Variants in PRR16 observed in about 807,000 individuals in gnomAD.
The protein encoded by PRR16 is proline rich 16.
In PRR16, 6 loss-of-function variants were observed where a neutral mutation model predicts 18.2. The observed-to-expected ratio is 0.33, with a 90% confidence interval of 0.18 to 0.65. The LOEUF is 0.65. PRR16 is among the 30% of genes least tolerant of loss of function. The pLI is 0.74. For synonymous variants in PRR16, 151 were observed against 147.8 expected (o/e 1.02, Z -0.16); for missense variants, 412 against 376.6 (o/e 1.09, Z -0.78).
intron 1 of PRR16, among the ~76,000 whole-genome samples, chr5:120,492,720 C>A (rs571193536): frequency 1.3e-5 from 2 of 152,056 alleles, no homozygotes; most frequent in African/African-American, 2.4e-5. Context: ...CCCTTGACAT[C>A]GCCCATGAGT....
intron 1 of PRR16, among the ~76,000 whole-genome samples, chr5:120,517,253 G>T (rs561384651): frequency 6.6e-5 from 10 of 152,038 alleles, no homozygotes; most frequent in Non-Finnish European, 1.3e-4. Flanking sequence ...TACTTTACTA[G>T]AGTAGTACAA....
At chr5:120,760,799 C>T in the PRR16 span, among the ~76,000 whole-genome samples, 1 of 152,098 alleles carries the variant, frequency 6.6e-6, no homozygotes, top group African/African-American at 2.4e-5. Context: ...AGTTAAAATA[C>T]CTCTGAAGTT....
chr5:120,754,193 ATTATATATT>A, the PRR16 span, among the ~76,000 whole-genome samples: 89 of 103,960 alleles, frequency 8.6e-4, no homozygotes, highest in Non-Finnish European at 1.3e-3. Context: ...ATAATATATA[ATTATATATT>A]ATAAATTATA....
chr5:120,683,969 A>G (rs988422844), intron 1 of PRR16, among the ~76,000 whole-genome samples: 9 of 152,194 alleles, frequency 5.9e-5, no homozygotes, highest in African/African-American at 2.2e-4. Flanking sequence ...GAAATGAAAA[A>G]AAGCAAAGTG....
At chr5:120,768,780 G>T in the PRR16 span, among the ~76,000 whole-genome samples, 4 of 151,834 alleles carry the variant, frequency 2.6e-5, no homozygotes, top group East Asian at 7.7e-4. Context: ...TTAAGAGTAA[G>T]AGCAAGAAAA....
At chr5:120,539,054 A>G (rs1021684662) in intron 1 of PRR16, among the ~76,000 whole-genome samples, 1 of 152,146 alleles carries the variant, frequency 6.6e-6, no homozygotes, top group Non-Finnish European at 1.5e-5. Flanking sequence ...TCCTGAGAAA[A>G]CAGAAAGGAG....
At position 120,659,029 on chromosome 5, in the gene PRR16, A is replaced by T. The variant is rs549051055; in HGVS notation, c.160-26925A>T. ...CTTTCTCTCTCACCTGCGACCCCCC[A>T]TCATAGTTCTTTTAAGGTCTCATAT... On this transcript the variant is annotated intron_variant, in intron 1 of 1. Transcript: ENST00000407149. 1.3e-4 allele frequency among the ~76,000 whole-genome samples: 19 copies of T among 151,822 alleles called. No individual in the cohort carries two copies. The South Asian group carries it at 4.0e-3, about 32-fold the overall frequency.
At chr5:120,486,846 G>C (rs943625119) in intron 1 of PRR16, among the ~76,000 whole-genome samples, 3 of 152,176 alleles carry the variant, frequency 2.0e-5, no homozygotes, top group Admixed American at 6.5e-5. Context: ...AAGGGATCCA[G>C]TTTCAGCTTT....
At chr5:120,738,468 A>G in the PRR16 span, among the ~76,000 whole-genome samples, 2 of 151,858 alleles carry the variant, frequency 1.3e-5, no homozygotes, top group Non-Finnish European at 2.9e-5. Flanking sequence ...TAACTTTTCA[A>G]GTTTTAATAT....
intron 1 of PRR16, among the ~76,000 whole-genome samples, chr5:120,659,721 T>A (rs189421505): frequency 1.3e-5 from 2 of 152,200 alleles, no homozygotes; most frequent in Admixed American, 1.3e-4. Context: ...GAAACTATCT[T>A]GTCTCTTGTA....
chr5:120,635,444 G>T (rs1298415831), intron 1 of PRR16, among the ~76,000 whole-genome samples: 2 of 152,118 alleles, frequency 1.3e-5, no homozygotes, highest in Admixed American at 1.3e-4. Flanking sequence ...TCAAACCAGG[G>T]ATGCAGGGAT....
chr5:120,557,655 A>G (rs1440241665), intron 1 of PRR16, among the ~76,000 whole-genome samples: 1 of 151,870 alleles, frequency 6.6e-6, no homozygotes, highest in Non-Finnish European at 1.5e-5. Context: ...AAAGGGTTTG[A>G]TTACATATAG....
At chr5:120,787,324 G>A in the PRR16 span, among the ~76,000 whole-genome samples, 1 of 152,088 alleles carries the variant, frequency 6.6e-6, no homozygotes, top group Non-Finnish European at 1.5e-5. Flanking sequence ...TGTTTAGTGG[G>A]TCTGAGGTAA....
chr5:120,482,272 T>C (rs1321434533), intron 1 of PRR16, among the ~76,000 whole-genome samples: 3 of 152,152 alleles, frequency 2.0e-5, no homozygotes, highest in African/African-American at 7.2e-5. Flanking sequence ...TTTCAACACT[T>C]TTCCCGCTTC....
the PRR16 span, among the ~76,000 whole-genome samples, chr5:120,722,871 A>G: frequency 1.4e-3 from 217 of 151,704 alleles, no homozygotes; most frequent in African/African-American, 4.8e-3. Flanking sequence ...AGATCTGTAG[A>G]TATACAGACA....
rs953924291 is a variant in PRR16 at position 120,564,421 on chromosome 5, C to T, written c.159+99776C>T. 2.0e-5 allele frequency among the ~76,000 whole-genome samples: 3 copies of T among 152,144 alleles called. No homozygotes were observed. In the East Asian group the frequency reaches 5.8e-4, roughly 29 times the overall value. On this transcript the variant is annotated intron_variant, in intron 1 of 1. Transcript: ENST00000407149. ...TAGTGGCGAGGCTTCCCGTGAAACT[C>T]CGACCTTCCGACCTCTGGGATGAGC...
intron 1 of PRR16, among the ~76,000 whole-genome samples, chr5:120,662,336 C>T (rs1756201277): frequency 6.6e-6 from 1 of 152,066 alleles, no homozygotes; most frequent in Non-Finnish European, 1.5e-5. Context: ...CTTCTGTAGT[C>T]ACAGTGATTA....
At chr5:120,697,482 G>T in the PRR16 span, among the ~76,000 whole-genome samples, 3 of 152,212 alleles carry the variant, frequency 2.0e-5, no homozygotes, top group South Asian at 6.2e-4. Context: ...AAAGTTACAT[G>T]AGTTTTCTTC....
chr5:120,709,728 CATAGG>C, the PRR16 span, among the ~76,000 whole-genome samples: 3 of 152,124 alleles, frequency 2.0e-5, no homozygotes, highest in African/African-American at 7.2e-5. Flanking sequence ...TGAGTGAGAA[CATAGG>C]ATAGTTGTCT....
Sources: gnomAD v4.1 joint callset for allele counts (sites outside exome capture counted in the v4.1 genomes callset) on GRCh38, gnomAD v4.1.1 for gene constraint, MANE v1.5 for transcripts, NCBI Gene and HGNC (gene_info 2026-07-23, HGNC 2026-07-21) for gene names.